AASS: variants seen among roughly 807,000 people sequenced by gnomAD.
The protein encoded by AASS is alpha-aminoadipic semialdehyde synthase, mitochondrial.
Under a neutral mutation model 105.4 loss-of-function variants are expected in AASS, and 86 were observed. The observed-to-expected ratio is 0.82, with a 90% confidence interval of 0.69 to 0.98. AASS has a LOEUF of 0.98. Among genes scored for constraint, AASS ranks in the 50% least tolerant of loss-of-function variants. The pLI is 0.00. For missense variants in AASS, 1,048 were observed against 1,143.2 expected, an observed-to-expected ratio of 0.92 and a Z score of 1.20; for synonymous variants, 381 against 394.8, an observed-to-expected ratio of 0.96 and a Z score of 0.41.
intron 3 of AASS, 36 bp downstream of exon 3, chr7:122,129,325 C>A: frequency 7.5e-7 from 1 of 1,327,736 alleles, no homozygotes. Flanking sequence ...TATTATTTTT[C>A]TACATTAATA....
intron 21 of AASS, 131 bp downstream of exon 21, chr7:122,079,466 G>T: frequency 9.4e-7 from 1 of 1,058,404 alleles, no homozygotes; most frequent in South Asian, 1.4e-5. Flanking sequence ...ATGGCACATG[G>T]TAATCTCTCT....
rs1038482668 is a variant in AASS at position 122,076,169 on chromosome 7, A to G, written c.*320T>C. 5 of 300,290 alleles carry G rather than the reference A, an allele frequency of 1.7e-5. No homozygotes were observed. The Admixed American group carries it at 1.9e-4, about 12-fold the overall frequency. The allele number at this position is 300,290 out of a possible 1,614,324, so 18.6% of individuals were successfully genotyped here. ...AGCCTGGGTGACAGAGCGAGACTCCATCTCAAAAAACAACAACAACAAAAA... is the reference window on the plus strand; with the variant it reads ...AGCCTGGGTGACAGAGCGAGACTCCGTCTCAAAAAACAACAACAACAAAAA... On this transcript the variant is annotated 3_prime_UTR_variant, in exon 24 of 24. Transcript: ENST00000417368.
At chr7:122,107,958 A>G (rs1203797163) in intron 11 of AASS, among the ~76,000 whole-genome samples, 2 of 151,858 alleles carry the variant, frequency 1.3e-5, no homozygotes, top group Non-Finnish European at 2.9e-5. Flanking sequence ...CTCAAAAAAA[A>G]AAAAAAAAAC....
At chr7:122,098,918 T>C (rs1344963878) in intron 13 of AASS, 52 bp from the exon 14 acceptor site, 1 of 1,501,250 alleles carries the variant, frequency 6.7e-7, no homozygotes, top group Non-Finnish European at 8.9e-7. Context: ...AATTAAAAAT[T>C]TTTTTTTAAA....
At chr7:122,111,601 C>G (rs1033838850) in intron 11 of AASS, among the ~76,000 whole-genome samples, 2 of 152,144 alleles carry the variant, frequency 1.3e-5, no homozygotes, top group African/African-American at 2.4e-5. Context: ...AGTAGAGAAA[C>G]TGTTAAGATT....
chr7:122,142,504 T>C (rs1247620203), intron 1 of AASS, among the ~76,000 whole-genome samples: 1 of 152,168 alleles, frequency 6.6e-6, no homozygotes, highest in Non-Finnish European at 1.5e-5. Flanking sequence ...GCATGCATGT[T>C]CAAGATAAAT....
rs1792918463 is a variant in AASS at position 122,074,652 on chromosome 7, T to C, written c.*1837A>G. Among the ~76,000 whole-genome samples, 4 of 152,324 alleles carry C rather than the reference T, an allele frequency of 2.6e-5. No homozygotes were observed. The highest frequency in any genetic ancestry group is 1.3e-4 in the Admixed American group (2 of 15,300). ...GGTCAACTTTGAGTTAATTTTTATA[T>C]GCAATATGAGGTAGGAGTCCAATTT... On this transcript the variant is annotated 3_prime_UTR_variant, in exon 24 of 24. Coordinates refer to ENST00000417368, the MANE Select transcript of AASS (RefSeq NM_005763.4).
chr7:122,136,232 T>C (rs970113137), intron 1 of AASS, among the ~76,000 whole-genome samples: 4 of 152,186 alleles, frequency 2.6e-5, no homozygotes, highest in African/African-American at 4.8e-5. Context: ...CAATTAAGCA[T>C]ACAAGTACAT....
At chr7:122,097,791 A>G (rs1002128895) in intron 15 of AASS, among the ~76,000 whole-genome samples, 1 of 152,068 alleles carries the variant, frequency 6.6e-6, no homozygotes, top group African/African-American at 2.4e-5. Context: ...TATATAAAAC[A>G]TTAATACCTT....
chr7:122,134,319 G>A (rs1796047736), intron 1 of AASS, among the ~76,000 whole-genome samples: 1 of 152,072 alleles, frequency 6.6e-6, no homozygotes, highest in Admixed American at 6.6e-5. Context: ...AATTAGATGT[G>A]TACATAAATA....
Position 122,098,796 on chromosome 7 carries a change from C to G in AASS, c.1477G>C (p.Glu493Gln), listed in dbSNP as rs1461500967. ...CTTGATAAATATTCTAATACAGGCT[C>G]AGATATGTAGCCAGATCCAAGAACC... ...VLVLGSGYIS[E>Q]PVLEYLSRDG... The change falls in exon 14 of 24, where the codon GAG becomes CAG. Residue 493 changes from glutamate to glutamine, a missense_variant. Transcript: ENST00000417368. The G allele has an allele frequency of 6.3e-7, 1 of 1,599,614 alleles. No homozygotes were observed. Among genetic ancestry groups the G allele is most frequent in the East Asian group, 2.3e-5 (1 of 44,230 alleles).
In AASS at chr7:122,133,631, A is replaced by T; in HGVS notation, c.96T>A (p.Asp32Glu). The change falls in exon 2 of 24, where the codon GAT (aspartate) becomes GAA (glutamate). Residue 32 changes from aspartate (D) to glutamate (E), a missense_variant. Coordinates refer to ENST00000417368, the MANE Select transcript of AASS (RefSeq NM_005763.4). ...HKAVLAVRRE[D>E]VNAWERRAPL... ...GGGCCCTTCTCTCCCAGGCGTTCAC[A>T]TCCTCCCTCCGGACGGCCAACACAG... 6 of 1,614,118 alleles carry T rather than the reference A, an allele frequency of 3.7e-6. No homozygotes were observed. The highest frequency in any genetic ancestry group is 5.1e-6 in the Non-Finnish European group (6 of 1,180,024).
chr7:122,079,859 A>G, intron 20 of AASS, 147 bp from the exon 21 acceptor site: 1 of 646,716 alleles, frequency 1.5e-6, no homozygotes, highest in Non-Finnish European at 2.8e-6. Context: ...ATTGTAACAC[A>G]TACACACACA....
chr7:122,104,891 A>T (rs766609840), intron 11 of AASS, among the ~76,000 whole-genome samples: 5 of 152,042 alleles, frequency 3.3e-5, no homozygotes, highest in Non-Finnish European at 7.4e-5. Flanking sequence ...CAATTTACTC[A>T]TGTAATAAAA....
intron 19 of AASS, chr7:122,082,702 G>T: frequency 1.5e-6 from 1 of 685,840 alleles, no homozygotes; most frequent in Non-Finnish European, 2.2e-6. Flanking sequence ...CACCACTGAC[G>T]ACTAAACTGT....
intron 20 of AASS, 50 bp downstream of exon 20, chr7:122,081,450 G>C: frequency 7.2e-7 from 1 of 1,395,040 alleles, no homozygotes; most frequent in Non-Finnish European, 1.0e-6. Context: ...GACCATTTCA[G>C]AAGGTATTTC....
In AASS at chr7:122,091,836, G is replaced by A. The variant is rs1793918074; in HGVS notation, c.1883C>T (p.Ser628Leu). Residue 628 changes from serine to leucine, a missense_variant, in exon 18 of 24, where the codon TCA (serine) becomes TTA (leucine). Coordinates refer to ENST00000417368, the MANE Select transcript of AASS (RefSeq NM_005763.4). ...AAGCCCACCACAGTAGGAAATATAT[G>A]ATTCAATCTATAAATTAAAGAATCA... ...KAKEVGATIE[S>L]YISYCGGLPA... The A allele has an allele frequency of 1.3e-6, 2 of 1,598,840 alleles. No individual in the cohort carries two copies. Among genetic ancestry groups the A allele is most frequent in the Non-Finnish European group, 8.6e-7 (1 of 1,166,916 alleles).
At chr7:122,112,360 T>C (rs966570514) in intron 11 of AASS, among the ~76,000 whole-genome samples, 3 of 152,018 alleles carry the variant, frequency 2.0e-5, no homozygotes, top group African/African-American at 4.8e-5. Context: ...CATATTCCAA[T>C]AGGAAAAAGA....
At position 122,079,618 on chromosome 7, in the gene AASS, G is replaced by A; in HGVS notation, c.2375C>T (p.Thr792Ile). Residue 792 changes from threonine to isoleucine, a missense_variant, in exon 21 of 24, where the codon ACC (threonine) becomes ATC (isoleucine). Coordinates refer to ENST00000417368, the MANE Select transcript of AASS (RefSeq NM_005763.4). ...AVLKKLGGDN[T>I]QLEAAEWLGL... ...CTACCATTCAGCAGCCTCCAACTGG[G>A]TATTGTCTCCTCCTAGTTTCTTAAG... 2 of 1,613,612 alleles carry A rather than the reference G, an allele frequency of 1.2e-6. No homozygotes were observed. The highest frequency in any genetic ancestry group is 1.1e-5 in the South Asian group (1 of 91,072).
Sources: gnomAD v4.1 joint callset for allele counts (sites outside exome capture counted in the v4.1 genomes callset) on GRCh38, gnomAD v4.1.1 for gene constraint, MANE v1.5 for transcripts, NCBI Gene and HGNC (gene_info 2026-07-23, HGNC 2026-07-21) for gene names.